The following DIP2C variants were observed in gnomAD, a reference collection of about 807,000 sequenced individuals.
The protein encoded by DIP2C is DIP2 acetate--CoA ligase C (putative), also known as disco-interacting protein 2 homolog C.
A neutral mutation model predicts 192.4 loss-of-function variants in DIP2C; 33 were observed. That is an observed-to-expected ratio of 0.17 (90% CI 0.13 to 0.23). The LOEUF is 0.23. Ranked by LOEUF, DIP2C falls within the 10% of genes least tolerant of loss-of-function variation. The pLI is 1.00. For synonymous variants in DIP2C, 979 were observed against 864.1 expected (o/e 1.13, Z -2.33); for missense variants, 1,537 against 2,110.1 (o/e 0.73, Z 5.32).
chr10:440,406 C>G (rs1392828052), intron 4 of DIP2C, among the ~76,000 whole-genome samples: 1 of 152,322 alleles, frequency 6.6e-6, no homozygotes, highest in East Asian at 1.9e-4. Context: ...TACTATCTGG[C>G]AACTTGCAGG....
At chr10:326,077 A>C (rs558848683) in intron 31 of DIP2C, among the ~76,000 whole-genome samples, 6 of 152,114 alleles carry the variant, frequency 3.9e-5, no homozygotes, top group Admixed American at 1.3e-4. Context: ...GCCACGTGGG[A>C]GGCTGAGGTG....
chr10:410,297 G>A (rs1965101798), intron 8 of DIP2C, among the ~76,000 whole-genome samples: 1 of 152,144 alleles, frequency 6.6e-6, no homozygotes, highest in Admixed American at 6.5e-5. Context: ...GATGTCGCAG[G>A]CAAGCTGTAA....
intron 4 of DIP2C, among the ~76,000 whole-genome samples, chr10:437,274 G>A (rs1032469357): frequency 6.8e-6 from 1 of 147,966 alleles, no homozygotes; most frequent in South Asian, 2.1e-4. Context: ...TCCGCCTCCT[G>A]GACATGGTAG....
chr10:501,458 T>C (rs990065663), intron 1 of DIP2C, among the ~76,000 whole-genome samples: 3 of 152,136 alleles, frequency 2.0e-5, no homozygotes, highest in African/African-American at 4.8e-5. Context: ...TGTAAGCACA[T>C]ATGTATTCAA....
intron 1 of DIP2C, among the ~76,000 whole-genome samples, chr10:642,212 C>T (rs923087115): frequency 5.9e-5 from 9 of 152,346 alleles, no homozygotes; most frequent in African/African-American, 2.2e-4. Context: ...CCTCTTTAAG[C>T]AGGACTCGCT....
chr10:459,075 A>G (rs1969538940), intron 3 of DIP2C, among the ~76,000 whole-genome samples: 1 of 152,200 alleles, frequency 6.6e-6, no homozygotes, highest in Admixed American at 6.5e-5. Context: ...GACTGTTGAA[A>G]ACCTTAAAAA....
intron 17 of DIP2C, among the ~76,000 whole-genome samples, chr10:379,699 G>A (rs1273179943): frequency 6.6e-6 from 1 of 152,250 alleles, no homozygotes; most frequent in African/African-American, 2.4e-5. Context: ...AAATGCATCT[G>A]CAATTTTATT....
intron 10 of DIP2C, among the ~76,000 whole-genome samples, chr10:394,098 G>C (rs1220938891): frequency 6.6e-6 from 1 of 152,236 alleles, no homozygotes; most frequent in Non-Finnish European, 1.5e-5. Flanking sequence ...CAGGAATCCA[G>C]ATTATCGGCA....
chr10:502,407 T>C (rs921418139), intron 1 of DIP2C, among the ~76,000 whole-genome samples: 4 of 152,134 alleles, frequency 2.6e-5, no homozygotes, highest in Non-Finnish European at 5.9e-5. Context: ...GCAGCCAAAA[T>C]AATGATGGGA....
At chr10:517,256 C>T (rs775387657) in intron 1 of DIP2C, among the ~76,000 whole-genome samples, 1 of 152,152 alleles carries the variant, frequency 6.6e-6, no homozygotes, top group African/African-American at 2.4e-5. Flanking sequence ...GCAAATGTAC[C>T]ATGAATTTAC....
intron 4 of DIP2C, among the ~76,000 whole-genome samples, chr10:435,342 T>G (rs1235808902): frequency 6.6e-6 from 1 of 152,216 alleles, no homozygotes; most frequent in Non-Finnish European, 1.5e-5. Flanking sequence ...ATGATTCCTA[T>G]TCTCCGTCCC....
intron 16 of DIP2C, among the ~76,000 whole-genome samples, chr10:382,993 G>T (rs1373894585): frequency 6.6e-6 from 1 of 152,214 alleles, no homozygotes; most frequent in African/African-American, 2.4e-5. Context: ...TTTTCTGACA[G>T]ATGAACTTAC....
intron 30 of DIP2C, among the ~76,000 whole-genome samples, chr10:328,195 TACAC>T (rs923955993): frequency 2.6e-5 from 4 of 152,300 alleles, no homozygotes; most frequent in African/African-American, 9.6e-5. Flanking sequence ...GACACGACTG[TACAC>T]ACAGAGTTAA....
intron 1 of DIP2C, among the ~76,000 whole-genome samples, chr10:592,730 T>C (rs1851475199): frequency 6.6e-6 from 1 of 152,160 alleles, no homozygotes; most frequent in Non-Finnish European, 1.5e-5. Context: ...ATTCTAAAAA[T>C]GTGAAATTTT....
intron 1 of DIP2C, among the ~76,000 whole-genome samples, chr10:579,419 T>C (rs1850425934): frequency 6.6e-6 from 1 of 151,924 alleles, no homozygotes; most frequent in African/African-American, 2.4e-5. Flanking sequence ...ATATAGCGTA[T>C]GTACATAGGT....
chr10:311,548 G>C (rs1042679775), intron 31 of DIP2C: 2 of 1,232,444 alleles, frequency 1.6e-6, no homozygotes, highest in Non-Finnish European at 2.0e-6. Flanking sequence ...TGCTCGGCCA[G>C]GGTCCACAGC....
intron 6 of DIP2C, among the ~76,000 whole-genome samples, chr10:417,053 C>T (rs1470704147): frequency 6.6e-6 from 1 of 152,196 alleles, no homozygotes; most frequent in East Asian, 1.9e-4. Context: ...TATTTCATAT[C>T]TCTGAAAATA....
At position 417,955 on chromosome 10, in the gene DIP2C, C is replaced by T. The variant is rs1325368639; in HGVS notation, c.739+1110G>A. On this transcript the variant is annotated intron_variant, in intron 6 of 36. Coordinates refer to ENST00000280886, the MANE Select transcript of DIP2C (RefSeq NM_014974.3). ...CAGGGCTTCGATAGGCCTCCCTGTCCACCTGCACCTGTCAGGGCTCGGATA... is the reference window on the plus strand; with the variant it reads ...CAGGGCTTCGATAGGCCTCCCTGTCTACCTGCACCTGTCAGGGCTCGGATA... Among the ~76,000 whole-genome samples the T allele has an allele frequency of 2.0e-4, 19 of 94,226 alleles. 1 individual carries two copies. Among genetic ancestry groups the T allele is most frequent in the Non-Finnish European group, 2.6e-4 (12 of 46,746 alleles). The allele number at this position is 94,226 out of a possible 152,430, so 61.8% of individuals were successfully genotyped here. A position where few individuals can be genotyped will look rare whatever the true frequency, so the allele number is the denominator to read the frequency against.
Position 334,304 on chromosome 10 carries a change from C to CAAAAAAAAAAAA in DIP2C, c.3585-4715_3585-4704dup, listed in dbSNP as rs35031456. Among the ~76,000 whole-genome samples, 81 of 82,400 alleles carry CAAAAAAAAAAAA rather than the reference C, an allele frequency of 9.8e-4. 8 individuals carry two copies. Among genetic ancestry groups the CAAAAAAAAAAAA allele is most frequent in the African/African-American group, 3.7e-3 (72 of 19,426 alleles). The allele number at this position is 82,400 out of a possible 152,430, so 54.1% of individuals were successfully genotyped here. ...CCCGGGTGACAGAGCAAGACTGTCT[C>CAAAAAAAAAAAA]AAAAAAAAAAAAAAAAAAAAAGAAA... On this transcript the variant is annotated intron_variant, in intron 29 of 36. Coordinates refer to ENST00000280886, the MANE Select transcript of DIP2C (RefSeq NM_014974.3).
Sources: allele counts gnomAD v4.1 joint callset (sites outside exome capture counted in the v4.1 genomes callset), GRCh38; gene constraint gnomAD v4.1.1; transcripts MANE v1.5; gene names NCBI Gene and HGNC (gene_info 2026-07-23, HGNC 2026-07-21).